The following GRIN2A variants were observed in gnomAD, a reference collection of about 807,000 sequenced individuals.
The protein encoded by GRIN2A is glutamate receptor ionotropic, NMDA 2A.
Under a neutral mutation model 113.4 loss-of-function variants are expected in GRIN2A, and 22 were observed. The observed-to-expected ratio is 0.19, with a 90% CI of 0.14 to 0.28. The LOEUF (loss-of-function observed/expected upper bound fraction) is 0.28. GRIN2A is among the 10% of genes least tolerant of loss of function. GRIN2A has a pLI of 1.00. For missense variants in GRIN2A, 1,502 were observed against 1,887.0 expected (o/e 0.80, Z 3.78); for synonymous variants, 827 against 738.4 (o/e 1.12, Z -1.94).
intron 2 of GRIN2A, among the ~76,000 whole-genome samples, chr16:10,086,637 A>T (rs955773965): frequency 6.6e-6 from 1 of 151,740 alleles, no homozygotes; most frequent in African/African-American, 2.4e-5. Context: ...GGAAACAGAG[A>T]AAAAAATATC....
rs117237190 is a variant in GRIN2A at position 9,995,143 on chromosome 16, A to C, written c.415-56592T>G. 2.8e-3 allele frequency among the ~76,000 whole-genome samples: 425 copies of C among 152,238 alleles called. 5 individuals are homozygous for C. Among genetic ancestry groups the C allele is most frequent in the East Asian group, 0.019 (100 of 5,176 alleles). Reference sequence around the variant, plus strand: ...AGGTTAAGAGTATCTGCAAGAGAGAATGGTTAGAGAAGGCCACTCTGAGGA... The same window carrying C: ...AGGTTAAGAGTATCTGCAAGAGAGACTGGTTAGAGAAGGCCACTCTGAGGA... On this transcript the variant is annotated intron_variant, in intron 2 of 12. Transcript: ENST00000330684.
chr16:9,771,646 T>A (rs980466471), intron 11 of GRIN2A, among the ~76,000 whole-genome samples: 3 of 151,620 alleles, frequency 2.0e-5, no homozygotes, highest in Non-Finnish European at 2.9e-5. Context: ...GTGACGTCTG[T>A]AACTTTTGAC....
At chr16:9,902,736 C>A (rs2043953322) in intron 3 of GRIN2A, among the ~76,000 whole-genome samples, 1 of 151,774 alleles carries the variant, frequency 6.6e-6, no homozygotes, top group Non-Finnish European at 1.5e-5. Context: ...ATTTAATTTT[C>A]TCTCCTCATC....
chr16:9,859,771 A>G (rs1035489376), intron 4 of GRIN2A, among the ~76,000 whole-genome samples: 2 of 151,834 alleles, frequency 1.3e-5, no homozygotes, highest in South Asian at 2.1e-4. Flanking sequence ...ATCTCCCCCT[A>G]CTGAAATCCT....
At chr16:10,076,329 A>C (rs1166005096) in intron 2 of GRIN2A, among the ~76,000 whole-genome samples, 1 of 152,180 alleles carries the variant, frequency 6.6e-6, no homozygotes, top group East Asian at 1.9e-4. Flanking sequence ...CCACAGGAGA[A>C]TGTTGACGAG....
At chr16:9,914,598 T>A (rs2044205745) in intron 3 of GRIN2A, among the ~76,000 whole-genome samples, 1 of 152,186 alleles carries the variant, frequency 6.6e-6, no homozygotes, top group South Asian at 2.1e-4. Flanking sequence ...TTTGTTTTGC[T>A]GTGGCTCAGA....
intron 11 of GRIN2A, among the ~76,000 whole-genome samples, chr16:9,797,193 T>C (rs1903048249): frequency 6.6e-6 from 1 of 152,276 alleles, no homozygotes; most frequent in Admixed American, 6.5e-5. Flanking sequence ...TAACACGTTC[T>C]GTAATCATCT....
At chr16:10,063,942 T>G (rs1454906186) in intron 2 of GRIN2A, among the ~76,000 whole-genome samples, 1 of 152,316 alleles carries the variant, frequency 6.6e-6, no homozygotes, top group East Asian at 1.9e-4. Flanking sequence ...CACCGTCTCC[T>G]GGAAGCCTTT....
At chr16:10,130,785 C>T (rs186555483) in intron 2 of GRIN2A, among the ~76,000 whole-genome samples, 6 of 152,244 alleles carry the variant, frequency 3.9e-5, no homozygotes, top group South Asian at 2.1e-4. Context: ...TAAGGGAGTT[C>T]GGGAGCAGCC....
Position 10,082,555 on chromosome 16 carries a change from A to G in GRIN2A, c.414+97443T>C, listed in dbSNP as rs897976996. On this transcript the variant is annotated intron_variant, in intron 2 of 12. Transcript: ENST00000330684. ...GCTGACTTTGAGTTAATCAAAAGGG[A>G]GATTACCCAAGGTGGGCCTGGCCTC... Among the ~76,000 whole-genome samples, 3 of 152,326 alleles carry G rather than the reference A, an allele frequency of 2.0e-5. No individual in the cohort carries two copies. In the East Asian group the frequency reaches 5.8e-4, roughly 29 times the overall value.
chr16:9,940,686 G>A (rs541189613), intron 2 of GRIN2A, among the ~76,000 whole-genome samples: 5 of 152,170 alleles, frequency 3.3e-5, no homozygotes, highest in African/African-American at 1.2e-4. Flanking sequence ...TGTGGATTCT[G>A]AATATTGTGT....
At chr16:10,025,591 C>T (rs187493925) in intron 2 of GRIN2A, among the ~76,000 whole-genome samples, 1 of 152,198 alleles carries the variant, frequency 6.6e-6, no homozygotes, top group East Asian at 1.9e-4. Context: ...CGTGAATCAC[C>T]ATGCCTGACA....
At chr16:9,802,640 T>A (rs1903433846) in intron 10 of GRIN2A, among the ~76,000 whole-genome samples, 1 of 152,136 alleles carries the variant, frequency 6.6e-6, no homozygotes, top group Non-Finnish European at 1.5e-5. Flanking sequence ...GCAGACAAGG[T>A]TCAGAAAGCC....
intron 2 of GRIN2A, chr16:10,121,519 C>A (rs1047972642): frequency 6.6e-6 from 1 of 152,090 alleles, no homozygotes. Flanking sequence ...GTTCTTGTGA[C>A]CATGGAAATC....
intron 2 of GRIN2A, among the ~76,000 whole-genome samples, chr16:9,957,630 C>T (rs530164458): frequency 6.6e-6 from 1 of 152,272 alleles, no homozygotes; most frequent in Admixed American, 6.5e-5. Context: ...GGAGATTACC[C>T]AAATGATGTC....
At chr16:9,781,246 A>G (rs1244197779) in intron 11 of GRIN2A, among the ~76,000 whole-genome samples, 1 of 152,258 alleles carries the variant, frequency 6.6e-6, no homozygotes, top group Non-Finnish European at 1.5e-5. Context: ...ATTTATATAA[A>G]AGAGATAGCA....
intron 4 of GRIN2A, among the ~76,000 whole-genome samples, chr16:9,872,939 T>C (rs1358307374): frequency 1.3e-5 from 2 of 151,948 alleles, no homozygotes; most frequent in Non-Finnish European, 2.9e-5. Context: ...CAGCTACTTG[T>C]GGGGCTGAGG....
chr16:9,991,164 T>C (rs887349687), intron 2 of GRIN2A, among the ~76,000 whole-genome samples: 9 of 152,228 alleles, frequency 5.9e-5, no homozygotes, highest in Non-Finnish European at 1.0e-4. Flanking sequence ...TATTTCTTAA[T>C]GAAACACTAC....
At chr16:9,852,392 T>C (rs1019209866) in intron 4 of GRIN2A, among the ~76,000 whole-genome samples, 8 of 152,222 alleles carry the variant, frequency 5.3e-5, no homozygotes, top group Non-Finnish European at 8.8e-5. Flanking sequence ...GCAGAATCTT[T>C]GGTGATGTCA....
Sources: gnomAD v4.1 joint callset for allele counts (sites outside exome capture counted in the v4.1 genomes callset) on GRCh38, gnomAD v4.1.1 for gene constraint, MANE v1.5 for transcripts, NCBI Gene and HGNC (gene_info 2026-07-23, HGNC 2026-07-21) for gene names.